The following UGT1A7 variants were observed in gnomAD, a reference collection of about 807,000 sequenced individuals.
UGT1A7 encodes the protein UDP-glucuronosyltransferase 1A7.
A neutral mutation model predicts 45.6 loss-of-function variants in UGT1A7; 33 were observed. The observed-to-expected ratio is 0.72, with a 90% CI of 0.55 to 0.97. UGT1A7 has a LOEUF of 0.97. Ranked by LOEUF, UGT1A7 falls within the 50% of genes least tolerant of loss-of-function variation. The pLI, the probability that UGT1A7 is intolerant of heterozygous loss-of-function variation, is 0.00. For synonymous variants in UGT1A7, 274 were observed against 250.6 expected (o/e 1.09, Z -0.88); for missense variants, 684 against 666.2 (o/e 1.03, Z -0.29).
chr2:233,725,132 C>T (rs1359096570), intron 1 of UGT1A7, among the ~76,000 whole-genome samples: 15 of 135,486 alleles, frequency 1.1e-4, no homozygotes, highest in African/African-American at 4.2e-4. Flanking sequence ...GCCGAGATGG[C>T]AGCAGTACAG....
At chr2:233,734,371 T>C (rs1011437447) in intron 1 of UGT1A7, among the ~76,000 whole-genome samples, 3 of 152,202 alleles carry the variant, frequency 2.0e-5, no homozygotes, top group Non-Finnish European at 4.4e-5. Flanking sequence ...GGTGGTGATA[T>C]TGCCTTTACT....
chr2:233,760,962 G>C, intron 1 of UGT1A7: 1 of 1,614,152 alleles, frequency 6.2e-7, no homozygotes, highest in Non-Finnish European at 8.5e-7. Flanking sequence ...TGTGCGACGT[G>C]GTTTATTCCC....
intron 1 of UGT1A7, among the ~76,000 whole-genome samples, chr2:233,759,628 CCTT>C (rs1265834229): frequency 8.9e-6 from 1 of 112,932 alleles, no homozygotes; most frequent in Admixed American, 1.4e-4. Context: ...CTGTTCATTT[CCTT>C]CTTAGCATGC....
chr2:233,755,338 G>C (rs569505432), intron 1 of UGT1A7: 1 of 431,822 alleles, frequency 2.3e-6, no homozygotes, highest in East Asian at 7.3e-5. Flanking sequence ...CCCGCGCACA[G>C]GTCAGAGGCT....
At chr2:233,772,184 TA>T (rs2126065808) in intron 4 of UGT1A7, 77 bp from the exon 5 acceptor site, 1 of 1,591,636 alleles carries the variant, frequency 6.3e-7, no homozygotes, top group Admixed American at 1.8e-5. Context: ...GTAGTCTTCT[TA>T]AGCAGCCATG....
rs910583774 is a variant in UGT1A7 at position 233,730,144 on chromosome 2, T to G, written c.856-36890T>G. The G allele has an allele frequency of 2.1e-5, 31 of 1,508,278 alleles. No individual in the cohort carries two copies. In the East Asian group the frequency reaches 2.9e-4, roughly 14 times the overall value. 93.4% of individuals were successfully genotyped at this position (1,508,278 alleles called of 1,614,324 possible). On this transcript the variant is annotated intron_variant, in intron 1 of 4. Transcript: ENST00000373426. ...CATAATAGCCTTCAGTGAGATAAAC[T>G]GTTAAGGGGTCTCTAGTAGCGTATT...
chr2:233,713,742 C>T lies in UGT1A7; in HGVS notation c.855+30950C>T, dbSNP rs138898755. 43 of 1,613,022 alleles carry T rather than the reference C, an allele frequency of 2.7e-5. No individual in the cohort carries two copies. The Middle Eastern group carries it at 5.0e-4, about 19-fold the overall frequency. On this transcript the variant is annotated intron_variant, in intron 1 of 4. Transcript: ENST00000373426. ...GGTGTCAGTGGTGGATCTTGTCAGC[C>T]ATGCATCTGTGTGGCTGTTCCGAGG...
intron 1 of UGT1A7, among the ~76,000 whole-genome samples, chr2:233,758,427 TCA>T (rs1169945627): frequency 6.6e-6 from 1 of 152,228 alleles, no homozygotes; most frequent in Non-Finnish European, 1.5e-5. Context: ...GCAAATGAAC[TCA>T]CACAGCATTG....
intron 1 of UGT1A7, among the ~76,000 whole-genome samples, chr2:233,735,332 CCCT>C (rs1370680627): frequency 6.6e-6 from 1 of 151,862 alleles, no homozygotes; most frequent in Non-Finnish European, 1.5e-5. Flanking sequence ...GGATTGCAAC[CCCT>C]GCTTTTTTTT....
In UGT1A7 at chr2:233,760,861, T is replaced by C. The variant is rs776126400; in HGVS notation, c.856-6173T>C. 1.9e-6 allele frequency: 3 copies of C among 1,614,158 alleles called. No individual in the cohort carries two copies. The South Asian group carries it at 3.3e-5, about 18-fold the overall frequency. The stretch of plus-strand genomic sequence containing the variant: ...TACCCAGTGCCCCAACCCATTCTCC[T>C]ACGTGCCCAGGCCTCTCTCCTCTCA... On this transcript the variant is annotated intron_variant, in intron 1 of 4. Coordinates refer to ENST00000373426, the MANE Select transcript of UGT1A7 (RefSeq NM_019077.3).
rs112085732 is a variant in UGT1A7 at position 233,747,405 on chromosome 2, G to T, written c.856-19629G>T. The T allele has an allele frequency of 4.4e-6, 7 of 1,607,054 alleles. No homozygotes were observed. In the African/African-American group the frequency reaches 6.7e-5, roughly 15 times the overall value. ...CCAGGCGGTGGTCCTCACCCCAGAG[G>T]TGAATATGCACATCAAACAAGAGAA... On this transcript the variant is annotated intron_variant, in intron 1 of 4. Coordinates refer to ENST00000373426, the MANE Select transcript of UGT1A7 (RefSeq NM_019077.3).
chr2:233,752,595 T>A (rs1013400964), intron 1 of UGT1A7: 3 of 152,218 alleles, frequency 2.0e-5, no homozygotes, highest in Non-Finnish European at 2.9e-5. Context: ...CTACAAGATT[T>A]TTTTTAAAAA....
At chr2:233,724,684 G>C (rs1018251695) in intron 1 of UGT1A7, among the ~76,000 whole-genome samples, 2 of 144,476 alleles carry the variant, frequency 1.4e-5, no homozygotes, top group Admixed American at 1.4e-4. Flanking sequence ...ATGGGATGGC[G>C]GCCGGGTGAA....
chr2:233,712,871 CTG>C, intron 1 of UGT1A7: 2 of 1,585,160 alleles, frequency 1.3e-6, no homozygotes, highest in Non-Finnish European at 1.7e-6. Context: ...GGAGGGCACT[CTG>C]TCTTCAATTA....
chr2:233,726,010 C>A (rs575189558), intron 1 of UGT1A7, among the ~76,000 whole-genome samples: 58 of 152,004 alleles, frequency 3.8e-4, no homozygotes, highest in African/African-American at 1.2e-3. Context: ...TACAAAAAAT[C>A]AAAAAATTAT....
Position 233,682,354 on chromosome 2 carries a change from G to A in UGT1A7, c.417G>A (p.Glu139=). 6.2e-7 allele frequency: 1 copy of A among 1,614,054 alleles called. No homozygotes were observed. The highest frequency in any genetic ancestry group is 8.5e-7 in the Non-Finnish European group (1 of 1,179,972). ...NDRKLVEYLK[E]SCFDAVFLDP... ...GAAAATTAGTAGAATACTTAAAGGA[G>A]AGTTGTTTTGATGCAGTGTTTCTCG... Residue 139 remains glutamate, a synonymous_variant, in exon 1 of 5, where the codon GAG becomes GAA. Coordinates refer to ENST00000373426, the MANE Select transcript of UGT1A7 (RefSeq NM_019077.3).
chr2:233,729,955 G>A, intron 1 of UGT1A7: 1 of 1,614,014 alleles, frequency 6.2e-7, no homozygotes, highest in African/African-American at 1.3e-5. Flanking sequence ...GGTCTTCATT[G>A]GGGGCATCAA....
intron 1 of UGT1A7, among the ~76,000 whole-genome samples, chr2:233,705,497 C>T (rs746321750): frequency 9.9e-5 from 15 of 151,954 alleles, no homozygotes; most frequent in Non-Finnish European, 2.1e-4. Flanking sequence ...TAATAAATAC[C>T]TTTTTAAGAA....
At chr2:233,718,969 A>G (rs2076707871) in intron 1 of UGT1A7, 4 of 1,614,166 alleles carry the variant, frequency 2.5e-6, no homozygotes, top group Non-Finnish European at 3.4e-6. Context: ...GCCTTGCGGG[A>G]GCTCCATGCC....
Sources: allele counts gnomAD v4.1 joint callset (sites outside exome capture counted in the v4.1 genomes callset), GRCh38; gene constraint gnomAD v4.1.1; transcripts MANE v1.5; gene names NCBI Gene and HGNC (gene_info 2026-07-23, HGNC 2026-07-21).